Variants in INPP5F observed in about 807,000 individuals in gnomAD.
INPP5F encodes the protein inositol polyphosphate-5-phosphatase F.
INPP5F carries 97 observed loss-of-function variants against 137.2 expected under a neutral mutation model. That is an observed-to-expected ratio of 0.71 (90% CI 0.60 to 0.84). The LOEUF is 0.84. Ranked by LOEUF, INPP5F falls within the 40% of genes least tolerant of loss-of-function variation. The pLI is 0.00. For synonymous variants in INPP5F, 504 were observed against 476.9 expected, an observed-to-expected ratio of 1.06 and a Z score of -0.74; for missense variants, 1,271 against 1,371.9, an observed-to-expected ratio of 0.93 and a Z score of 1.16.
At chr10:119,764,995 C>T (rs569962010) in intron 2 of INPP5F, among the ~76,000 whole-genome samples, 8 of 152,182 alleles carry the variant, frequency 5.3e-5, no homozygotes, top group Middle Eastern at 3.4e-3. Context: ...TGCAGTGGCA[C>T]GATCTCAGCT....
intron 1 of INPP5F, among the ~76,000 whole-genome samples, chr10:119,730,733 T>G (rs1848032311): frequency 6.6e-6 from 1 of 152,084 alleles, no homozygotes; most frequent in Admixed American, 6.6e-5. Flanking sequence ...CACATAACAT[T>G]CATAAACATA....
chr10:119,802,168 A>T (rs1207867536), intron 9 of INPP5F, among the ~76,000 whole-genome samples: 1 of 152,156 alleles, frequency 6.6e-6, no homozygotes, highest in Non-Finnish European at 1.5e-5. Flanking sequence ...TTCTGCTCTA[A>T]TAAGAGATAC....
At chr10:119,792,448 C>A (rs530320012) in intron 6 of INPP5F, among the ~76,000 whole-genome samples, 1 of 152,258 alleles carries the variant, frequency 6.6e-6, no homozygotes, top group African/African-American at 2.4e-5. Flanking sequence ...TTAGCACATT[C>A]CCATAGGATA....
chr10:119,799,310 C>T, intron 9 of INPP5F: 1 of 432,348 alleles, frequency 2.3e-6, no homozygotes, highest in Non-Finnish European at 4.6e-6. Flanking sequence ...TTTTTTTCAG[C>T]AACAAAAATG....
At chr10:119,805,177 G>A (rs1385260186) in intron 10 of INPP5F, among the ~76,000 whole-genome samples, 1 of 152,112 alleles carries the variant, frequency 6.6e-6, no homozygotes, top group African/African-American at 2.4e-5. Context: ...GTTTTAATGT[G>A]TTTTTAAGTA....
intron 1 of INPP5F, among the ~76,000 whole-genome samples, chr10:119,745,546 C>T (rs1040669605): frequency 2.0e-5 from 3 of 151,326 alleles, no homozygotes; most frequent in Non-Finnish European, 4.4e-5. Flanking sequence ...GTATCTCTTA[C>T]AATGGACCTT....
At chr10:119,759,801 A>G (rs1331963564) in intron 2 of INPP5F, among the ~76,000 whole-genome samples, 3 of 152,096 alleles carry the variant, frequency 2.0e-5, no homozygotes, top group Non-Finnish European at 2.9e-5. Flanking sequence ...ATTCTCCGGT[A>G]TCTTCTCATT....
intron 2 of INPP5F, among the ~76,000 whole-genome samples, chr10:119,756,529 G>A (rs895173823): frequency 9.9e-5 from 15 of 151,838 alleles, no homozygotes; most frequent in Admixed American, 9.2e-4. Flanking sequence ...CCACCTACCC[G>A]GGAGGTTGAG....
chr10:119,825,747 G>A (rs1851731032), intron 19 of INPP5F, among the ~76,000 whole-genome samples: 1 of 152,168 alleles, frequency 6.6e-6, no homozygotes, highest in South Asian at 2.1e-4. Context: ...ATGAGCATCT[G>A]TCAGGTTTTG....
chr10:119,798,509 A>T, intron 8 of INPP5F, 34 bp from the exon 9 acceptor site: 1 of 1,518,768 alleles, frequency 6.6e-7, no homozygotes, highest in Non-Finnish European at 9.1e-7. Context: ...TAAACATGGG[A>T]AGGAAAAAAA....
At chr10:119,762,770 A>C (rs1589688181) in intron 2 of INPP5F, among the ~76,000 whole-genome samples, 1 of 152,126 alleles carries the variant, frequency 6.6e-6, no homozygotes, top group Non-Finnish European at 1.5e-5. Context: ...AATCCCCTGC[A>C]GTTACTGAGG....
intron 18 of INPP5F, among the ~76,000 whole-genome samples, chr10:119,823,456 A>G (rs1342007735): frequency 6.6e-6 from 1 of 152,176 alleles, no homozygotes; most frequent in Non-Finnish European, 1.5e-5. Flanking sequence ...CAGTGATCGT[A>G]TGGGTGTCAA....
chr10:119,821,331 CAATAACGTGTGTGT>C (rs1851550824), intron 16 of INPP5F, among the ~76,000 whole-genome samples: 1 of 133,062 alleles, frequency 7.5e-6, no homozygotes, highest in Admixed American at 7.5e-5. Context: ...TGTCTTTATG[CAATAACGTGTGTGT>C]GTGTGTGTGT....
At chr10:119,726,723 T>C (rs1033526105) in intron 1 of INPP5F, among the ~76,000 whole-genome samples, 1 of 152,204 alleles carries the variant, frequency 6.6e-6, no homozygotes, top group African/African-American at 2.4e-5. Flanking sequence ...TTGGAGTAGT[T>C]CTTACATGGC....
At chr10:119,744,996 C>CT (rs10710948) in intron 1 of INPP5F, among the ~76,000 whole-genome samples, 5 of 151,452 alleles carry the variant, frequency 3.3e-5, no homozygotes, top group African/African-American at 4.8e-5. Flanking sequence ...AGTTTTTTTT[C>CT]TTTTTTTTTT....
At chr10:119,775,591 T>TA (rs1237867609) in intron 2 of INPP5F, among the ~76,000 whole-genome samples, 3 of 152,216 alleles carry the variant, frequency 2.0e-5, no homozygotes, top group Non-Finnish European at 2.9e-5. Context: ...CTCAGGTTTT[T>TA]AACCCAAAGC....
At chr10:119,818,393 C>T (rs1160182235) in intron 15 of INPP5F, among the ~76,000 whole-genome samples, 1 of 152,250 alleles carries the variant, frequency 6.6e-6, no homozygotes, top group Admixed American at 6.5e-5. Flanking sequence ...AGTGGCCAGG[C>T]ACGCGGCAGC....
chr10:119,827,442 A>T lies in INPP5F; in HGVS notation c.3061A>T (p.Thr1021Ser). 2.5e-6 allele frequency: 4 copies of T among 1,614,230 alleles called. No individual in the cohort carries two copies. The highest frequency in any genetic ancestry group is 3.4e-6 in the Non-Finnish European group (4 of 1,180,048). The change falls in exon 20 of 20, where the codon ACA becomes TCA. Residue 1021 changes from threonine (T) to serine (S), a missense_variant. By Grantham distance (58) the Thr-to-Ser change is moderately conservative (BLOSUM62 1). This residue lies in a region of INPP5F where 490 missense variants were observed against 443.7 expected (regional missense o/e 1.10). Transcript: ENST00000650623. Reference protein sequence around the residue: ...PSQLDVSLSATGPQFLSVEPA... With the variant: ...PSQLDVSLSASGPQFLSVEPA... ...GCAATTAGATGTCTCTCTTTCTGCA[A>T]CAGGCCCACAGTTTTTGTCAGTTGA...
intron 3 of INPP5F, among the ~76,000 whole-genome samples, chr10:119,786,798 G>A (rs1251829072): frequency 6.6e-6 from 1 of 152,062 alleles, no homozygotes; most frequent in African/African-American, 2.4e-5. Context: ...GGGATTATAG[G>A]TGTGAGCCCC....
Sources: allele counts gnomAD v4.1 joint callset (sites outside exome capture counted in the v4.1 genomes callset), GRCh38; gene constraint gnomAD v4.1.1; regional missense constraint gnomAD v4.1.1; transcripts MANE v1.5; gene names NCBI Gene and HGNC (gene_info 2026-07-23, HGNC 2026-07-21).